Variants in TRIM16 observed in about 807,000 individuals in gnomAD.
The protein encoded by TRIM16 is tripartite motif containing 16.
In TRIM16, 33 loss-of-function variants were observed where a neutral mutation model predicts 50.4. The ratio of observed to expected loss-of-function variants is 0.65; its 90% CI spans 0.50 to 0.88. TRIM16 has a LOEUF of 0.88. Among genes scored for constraint, TRIM16 ranks in the 40% least tolerant of loss-of-function variants. The pLI is 0.00. For missense variants in TRIM16, 581 were observed against 686.8 expected (o/e 0.85, Z 1.72); for synonymous variants, 229 against 270.7 (o/e 0.85, Z 1.51).
rs554732691 is a variant in TRIM16 at position 15,679,273 on chromosome 17, G to A, written c.-589-1552C>T. Among the ~76,000 whole-genome samples, 9 of 152,308 alleles carry A rather than the reference G, an allele frequency of 5.9e-5. No homozygotes were observed. The South Asian group carries it at 1.9e-3, about 32-fold the overall frequency. ...TGGGCCTGTGGCTCTAGAACAGGTT[G>A]GAAAGCACCAGAACGCTCTTTGTGT... On this transcript the variant is annotated intron_variant, in intron 4 of 11. Transcript: ENST00000649191.
At chr17:15,674,316 G>A (rs1288075571) in intron 6 of TRIM16, among the ~76,000 whole-genome samples, 1 of 151,748 alleles carries the variant, frequency 6.6e-6, no homozygotes, top group East Asian at 1.9e-4. Flanking sequence ...GTCACAGTGA[G>A]CTGAGATCAT....
At chr17:15,665,753 A>T (rs1988471647) in intron 6 of TRIM16, among the ~76,000 whole-genome samples, 1 of 151,746 alleles carries the variant, frequency 6.6e-6, no homozygotes, top group African/African-American at 2.4e-5. Flanking sequence ...GAGCTCATCC[A>T]TTCCTACGCC....
chr17:15,644,442 G>A (rs947220201), intron 7 of TRIM16, among the ~76,000 whole-genome samples: 2 of 152,114 alleles, frequency 1.3e-5, no homozygotes, highest in African/African-American at 2.4e-5. Context: ...CCTCCACCTC[G>A]GCCTCCCAAA....
At chr17:15,661,287 C>T (rs1988227015) in intron 6 of TRIM16, among the ~76,000 whole-genome samples, 1 of 152,182 alleles carries the variant, frequency 6.6e-6, no homozygotes, top group South Asian at 2.1e-4. Context: ...AACTTGTATG[C>T]TAATCTTATG....
chr17:15,683,119 C>G lies in TRIM16; in HGVS notation c.-860G>C. On this transcript the variant is annotated 5_prime_UTR_variant, in exon 2 of 12. Transcript: ENST00000649191. The stretch of plus-strand genomic sequence containing the variant: ...TGGGTGTAGCAACCTTTCCGTTCTC[C>G]ACGTATCTTCCTGGAAATTGCCAGC... 1 of 1,550,480 alleles carries G rather than the reference C, an allele frequency of 6.4e-7. No homozygotes were observed. Among genetic ancestry groups the G allele is most frequent in the African/African-American group, 1.4e-5 (1 of 73,160 alleles).
chr17:15,645,342 T>C (rs1388040903), intron 7 of TRIM16, among the ~76,000 whole-genome samples: 1 of 152,134 alleles, frequency 6.6e-6, no homozygotes, highest in Non-Finnish European at 1.5e-5. Flanking sequence ...CCATGGCTGC[T>C]TTCCATTCAT....
rs562224773 is a variant in TRIM16, at chr17:15,674,995, T to C, written c.-338+2181A>G. On this transcript the variant is annotated intron_variant, in intron 6 of 11. Coordinates refer to ENST00000649191, the MANE Select transcript of TRIM16 (RefSeq NM_001348119.1). ...TTTATTTTGTTTGGACATGGCACTA[T>C]TTCCATCAGTACAAGAAGGGGCAAC... Among the ~76,000 whole-genome samples, 107 of 152,108 alleles carry C rather than the reference T, an allele frequency of 7.0e-4. No homozygotes were observed. The East Asian group carries it at 0.019, about 27-fold the overall frequency.
chr17:15,676,070 G>C (rs1477918877), intron 6 of TRIM16, among the ~76,000 whole-genome samples: 1 of 151,898 alleles, frequency 6.6e-6, no homozygotes, highest in Non-Finnish European at 1.5e-5. Flanking sequence ...TATTCATCTA[G>C]CCTCCAGACA....
At position 15,638,567 on chromosome 17, in the gene TRIM16, G is replaced by A. The variant is rs1597612895; in HGVS notation, c.616-2298C>T. On this transcript the variant is annotated intron_variant, in intron 8 of 11. Transcript: ENST00000649191. Reference sequence around the variant, plus strand: ...CCCTATCCCATCTGAGACTTTCTGAGCACCCCTCCAGGTGCTGTTTTCTCT... The same window carrying A: ...CCCTATCCCATCTGAGACTTTCTGAACACCCCTCCAGGTGCTGTTTTCTCT... 2.0e-5 allele frequency among the ~76,000 whole-genome samples: 3 copies of A among 149,140 alleles called. 1 individual carries two copies. Among genetic ancestry groups the A allele is most frequent in the African/African-American group, 7.4e-5 (3 of 40,330 alleles).
rs1986271931 is a variant in TRIM16 at position 15,629,171 on chromosome 17, T to G, written c.1139A>C (p.Asp380Ala). ...CAGCCGGAGATACTTGTGTGCTGTGTCCGGGTCAAACGTGATGTCATACGC... is the reference window on the plus strand; with the variant it reads ...CAGCCGGAGATACTTGTGTGCTGTGGCCGGGTCAAACGTGATGTCATACGC... ...QYAYDITFDP[D>A]TAHKYLRLQE... Residue 380 changes from aspartate to alanine, a missense_variant, in exon 12 of 12, where the codon GAC (aspartate) becomes GCC (alanine). This residue lies in a region of TRIM16 where 450 missense variants were observed against 544.3 expected (regional missense o/e 0.83). Transcript: ENST00000649191. 6.2e-7 allele frequency: 1 copy of G among 1,612,332 alleles called. No individual in the cohort carries two copies. Among genetic ancestry groups the G allele is most frequent in the Non-Finnish European group, 8.5e-7 (1 of 1,178,972 alleles).
intron 8 of TRIM16, among the ~76,000 whole-genome samples, chr17:15,637,588 C>A (rs1986876429): frequency 1.4e-5 from 2 of 146,128 alleles, no homozygotes; most frequent in African/African-American, 5.0e-5. Context: ...GTCAGCCCCC[C>A]GCCCGGCCAG....
chr17:15,641,246 C>T (rs2875162), intron 8 of TRIM16, among the ~76,000 whole-genome samples: 1 of 148,174 alleles, frequency 6.7e-6, no homozygotes, highest in African/African-American at 2.5e-5. Context: ...CAAGCAGAAA[C>T]AGTACAGAGA....
chr17:15,650,333 T>A (rs1937841021), intron 7 of TRIM16, among the ~76,000 whole-genome samples: 1 of 152,170 alleles, frequency 6.6e-6, no homozygotes, highest in African/African-American at 2.4e-5. Flanking sequence ...AAAAAGCATA[T>A]GAGGTGCCAA....
At chr17:15,653,656 T>A (rs1987835574) in intron 6 of TRIM16, among the ~76,000 whole-genome samples, 1 of 152,180 alleles carries the variant, frequency 6.6e-6, no homozygotes, top group South Asian at 2.1e-4. Context: ...CAATTACCTG[T>A]TTAAAGACTT....
In TRIM16 at chr17:15,628,444, G is replaced by A; in HGVS notation, c.*171C>T. On this transcript the variant is annotated 3_prime_UTR_variant, in exon 12 of 12. Transcript: ENST00000649191. ...AAAAGAATTACTGCAAACACATAGA[G>A]AACAGCACCATATGGAGCAAAAGAG... is the stretch of plus-strand genomic sequence containing the variant. 1.6e-6 allele frequency: 1 copy of A among 619,652 alleles called. No homozygotes were observed. The highest frequency in any genetic ancestry group is 1.8e-5 in the African/African-American group (1 of 54,244). The allele number at this position is 619,652 out of a possible 1,614,324, so 38.4% of individuals were successfully genotyped here.
chr17:15,652,022 T>G, intron 6 of TRIM16, 76 bp from the exon 7 acceptor site: 5 of 1,041,008 alleles, frequency 4.8e-6, no homozygotes, highest in Non-Finnish European at 5.8e-6. Flanking sequence ...CGACATTTTT[T>G]TTTGTTTTCA....
chr17:15,650,856 A>T (rs996931932), intron 7 of TRIM16, among the ~76,000 whole-genome samples: 1 of 152,198 alleles, frequency 6.6e-6, no homozygotes, highest in Non-Finnish European at 1.5e-5. Context: ...ACAGACAGAG[A>T]TCGCACAGAG....
In TRIM16 at chr17:15,651,201, G is replaced by C; in HGVS notation, c.409C>G (p.Pro137Ala). The C allele has an allele frequency of 1.2e-6, 2 of 1,614,236 alleles. No homozygotes were observed. Among genetic ancestry groups the C allele is most frequent in the Non-Finnish European group, 1.7e-6 (2 of 1,180,042 alleles). The change falls in exon 7 of 12, where the codon CCA becomes GCA. Residue 137 changes from proline (P) to alanine (A), a missense_variant. Physicochemically the swap from Pro to Ala is conservative, Grantham distance 27. Coordinates refer to ENST00000649191, the MANE Select transcript of TRIM16 (RefSeq NM_001348119.1). ...NWRYCPAHHS[P>A]LSAFCCPDQQ... ...TCAGGGCAGCAGAAGGCAGACAGTG[G>C]GCTGTGGTGGGCAGGGCAGTATCGC... is the stretch of plus-strand genomic sequence containing the variant.
chr17:15,677,385 T>G (rs1175166400), intron 5 of TRIM16, 105 bp from the exon 6 acceptor site: 1 of 917,552 alleles, frequency 1.1e-6, no homozygotes, highest in Non-Finnish European at 1.3e-6. Flanking sequence ...ACGAAATAAC[T>G]AATTGTCAAA....
Sources: gnomAD v4.1 joint callset for allele counts (sites outside exome capture counted in the v4.1 genomes callset) on GRCh38, gnomAD v4.1.1 for gene constraint, gnomAD v4.1.1 regional missense constraint, MANE v1.5 for transcripts, NCBI Gene and HGNC (gene_info 2026-07-23, HGNC 2026-07-21) for gene names.